TNS1: variants seen among roughly 807,000 people sequenced by gnomAD.
TNS1 encodes tensin 1, also known as tensin-1.
TNS1 carries 62 observed loss-of-function variants against 168.6 expected under a neutral mutation model. That is an observed-to-expected ratio of 0.37 (90% CI 0.30 to 0.45). The LOEUF (loss-of-function observed/expected upper bound fraction) is 0.45, where lower values mean the gene tolerates loss of function less well. Among genes scored for constraint, TNS1 ranks in the 20% least tolerant of loss-of-function variants. TNS1 has a pLI of 1.00. For synonymous variants in TNS1, 934 were observed against 933.2 expected (o/e 1.00, Z -0.02); for missense variants, 2,240 against 2,339.4 (o/e 0.96, Z 0.88).
intron 3 of TNS1, among the ~76,000 whole-genome samples, chr2:217,975,377 AC>A (rs1338444825): frequency 6.6e-6 from 1 of 152,170 alleles, no homozygotes; most frequent in Non-Finnish European, 1.5e-5. Flanking sequence ...ATTTTAAGCT[AC>A]TAAATCTGGG....
At position 217,817,926 on chromosome 2, in the gene TNS1, C is replaced by T; in HGVS notation, c.4406G>A (p.Ser1469Asn). ...VSPAYYPGLS[S>N]PATSPSPDSA... ...GTCTGGTGACGGGGAGGTGGCAGGG[C>T]TGCTCAGGCCAGGGTAGTAGGCAGG... is the stretch of plus-strand genomic sequence containing the variant. Residue 1469 changes from serine (S) to asparagine (N), a missense_variant, in exon 24 of 33, where the codon AGC (serine) becomes AAC (asparagine). Ser to Asn is a conservative substitution (Grantham distance 46). This residue lies in a region of TNS1 where 2,131 missense variants were observed against 2,171.2 expected (regional missense o/e 0.98). Coordinates refer to ENST00000682258, the MANE Select transcript of TNS1 (RefSeq NM_001387777.1). The T allele has an allele frequency of 6.2e-7, 1 of 1,613,116 alleles. No homozygotes were observed. The highest frequency in any genetic ancestry group is 1.3e-5 in the African/African-American group (1 of 75,044).
At position 217,808,530 on chromosome 2, in the gene TNS1, C is replaced by CA. The variant is rs1197457283; in HGVS notation, c.5342+72dup. On this transcript the variant is annotated intron_variant, in intron 31 of 32. Transcript: ENST00000682258. ...ATGCACACACACACACACACACATG[C>CA]ACATGCATGCACCCACACAGACGTC... The CA allele has an allele frequency of 3.7e-6, 5 of 1,367,260 alleles. No individual in the cohort carries two copies. In the East Asian group the frequency reaches 1.1e-4, roughly 31 times the overall value. The allele number at this position is 1,367,260 out of a possible 1,614,324, so 84.7% of individuals were successfully genotyped here. A position where few individuals can be genotyped will look rare whatever the true frequency, so the allele number is the denominator to read the frequency against.
At chr2:217,826,762 T>G (rs1460353951) in intron 22 of TNS1, among the ~76,000 whole-genome samples, 1 of 152,136 alleles carries the variant, frequency 6.6e-6, no homozygotes, top group Non-Finnish European at 1.5e-5. Context: ...GGGTGCTTCA[T>G]GTAGAACATT....
At chr2:217,857,526 T>C (rs1948288639) in intron 18 of TNS1, among the ~76,000 whole-genome samples, 1 of 152,216 alleles carries the variant, frequency 6.6e-6, no homozygotes, top group South Asian at 2.1e-4. Context: ...CAAGCGATGA[T>C]GATAAATGTG....
chr2:218,014,593 C>T (rs1487439162), upstream of TNS1, among the ~76,000 whole-genome samples: 2 of 152,298 alleles, frequency 1.3e-5, no homozygotes, highest in East Asian at 3.9e-4. Flanking sequence ...GACTCCTGGG[C>T]CTCCTCTGAT....
In TNS1 at chr2:217,880,904, T is replaced by C. The variant is rs1164705617; in HGVS notation, c.1423A>G (p.Met475Val). The C allele has an allele frequency of 6.2e-7, 1 of 1,613,480 alleles. No homozygotes were observed. ...GCCACTAGGTCCCACCTACCCTCCATGCCGTCATCTCGATGCCCACTGAAG... is the reference window on the plus strand; with the variant it reads ...GCCACTAGGTCCCACCTACCCTCCACGCCGTCATCTCGATGCCCACTGAAG... Reference protein sequence around the residue: ...DNFSGHRDDGMEEVVGHTQGP... With the variant: ...DNFSGHRDDGVEEVVGHTQGP... Residue 475 changes from methionine (M) to valine (V), a missense_variant, in exon 18 of 33, where the codon ATG (methionine) becomes GTG (valine). This residue lies in a region of TNS1 where 2,131 missense variants were observed against 2,171.2 expected (regional missense o/e 0.98). Coordinates refer to ENST00000682258, the MANE Select transcript of TNS1 (RefSeq NM_001387777.1). The surrounding 1 kb of genome is among the most constrained non-coding windows in gnomAD (Gnocchi z 4.2).
At chr2:217,872,437 C>A (rs1188603736) in intron 18 of TNS1, among the ~76,000 whole-genome samples, 1 of 152,106 alleles carries the variant, frequency 6.6e-6, no homozygotes, top group Non-Finnish European at 1.5e-5. Context: ...CCATAATGGC[C>A]AATTAACACA....
chr2:217,919,348 C>T (rs1220612206), intron 4 of TNS1, among the ~76,000 whole-genome samples: 1 of 152,242 alleles, frequency 6.6e-6, no homozygotes, highest in East Asian at 1.9e-4. Flanking sequence ...CAGGCTCCTG[C>T]CGACATTAGT....
At chr2:217,881,873 T>G (rs892099015) in intron 17 of TNS1, 1 of 153,080 alleles carries the variant, frequency 6.5e-6, no homozygotes, top group Non-Finnish European at 1.5e-5. Context: ...TAACCTAACT[T>G]CATCTCCTTT....
chr2:217,811,921 C>T (rs184231738), intron 28 of TNS1, among the ~76,000 whole-genome samples: 16 of 152,258 alleles, frequency 1.1e-4, no homozygotes, highest in South Asian at 4.1e-4. Flanking sequence ...GAAAGTCTGG[C>T]GACATTTAGG....
chr2:217,912,815 A>AGGCAGC (rs1284552972), intron 4 of TNS1, among the ~76,000 whole-genome samples: 2 of 152,188 alleles, frequency 1.3e-5, no homozygotes, highest in Admixed American at 6.5e-5. Context: ...CACGAAAACA[A>AGGCAGC]GGCAGCGGCA....
chr2:217,952,881 G>A (rs974532342), intron 3 of TNS1, among the ~76,000 whole-genome samples: 1 of 152,206 alleles, frequency 6.6e-6, no homozygotes, highest in Non-Finnish European at 1.5e-5. Flanking sequence ...AAAATGTTGA[G>A]GATTTAGAGT....
intron 3 of TNS1, among the ~76,000 whole-genome samples, chr2:217,924,771 C>T (rs963371652): frequency 2.6e-5 from 4 of 152,188 alleles, no homozygotes; most frequent in Non-Finnish European, 1.5e-5. Context: ...CCAGGTTAAT[C>T]AGCTGGGAAG....
chr2:217,854,823 A>G (rs1947936073), intron 18 of TNS1, among the ~76,000 whole-genome samples: 1 of 152,210 alleles, frequency 6.6e-6, no homozygotes, highest in Admixed American at 6.5e-5. Flanking sequence ...GAAGGCCACA[A>G]GGGATGGCTC....
chr2:217,946,459 G>T (rs1012781252), intron 3 of TNS1, among the ~76,000 whole-genome samples: 2 of 152,198 alleles, frequency 1.3e-5, no homozygotes, highest in Non-Finnish European at 2.9e-5. Context: ...ATGAAGAGAT[G>T]GATGGATGGA....
At chr2:217,987,482 A>G (rs1481505982) in intron 2 of TNS1, among the ~76,000 whole-genome samples, 2 of 152,102 alleles carry the variant, frequency 1.3e-5, no homozygotes, top group Admixed American at 1.3e-4. Flanking sequence ...GCCATATTAC[A>G]TCAAATGGGA....
chr2:217,866,633 C>A (rs994319346), intron 18 of TNS1, among the ~76,000 whole-genome samples: 1 of 152,204 alleles, frequency 6.6e-6, no homozygotes, highest in Non-Finnish European at 1.5e-5. Context: ...CAAGCTGACC[C>A]GGCAGACAGC....
intron 3 of TNS1, among the ~76,000 whole-genome samples, chr2:217,930,623 T>A (rs1956271618): frequency 6.6e-6 from 1 of 152,112 alleles, no homozygotes; most frequent in Non-Finnish European, 1.5e-5. Flanking sequence ...TGGAAGAGGC[T>A]CTGAGCTGGT....
intron 2 of TNS1, among the ~76,000 whole-genome samples, chr2:217,987,264 TC>T (rs1289114596): frequency 1.3e-5 from 2 of 152,018 alleles, no homozygotes; most frequent in Non-Finnish European, 2.9e-5. Context: ...ACCTCAATGC[TC>T]CTCACAGCAG....
Sources: allele counts gnomAD v4.1 joint callset (sites outside exome capture counted in the v4.1 genomes callset), GRCh38; gene constraint gnomAD v4.1.1; regional missense constraint gnomAD v4.1.1; non-coding constraint Gnocchi (gnomAD v3.1); transcripts MANE v1.5; gene names NCBI Gene and HGNC (gene_info 2026-07-23, HGNC 2026-07-21).